Variants in MEGF11 observed in about 807,000 individuals in gnomAD.
MEGF11 encodes the protein multiple EGF like domains 11, also known as multiple epidermal growth factor-like domains protein 11.
A neutral mutation model predicts 146.6 loss-of-function variants in MEGF11; 126 were observed. The ratio of observed to expected loss-of-function variants is 0.86; its 90% CI spans 0.74 to 1.00. The LOEUF (loss-of-function observed/expected upper bound fraction) is 1.00, where lower values mean the gene tolerates loss of function less well. MEGF11 is among the 50% of genes least tolerant of loss of function. The probability of loss-of-function intolerance (pLI) is 0.00; values close to 1 mark genes in which losing one functional copy is unlikely to be tolerated. For synonymous variants in MEGF11, 532 were observed against 583.4 expected (o/e 0.91, Z 1.27); for missense variants, 1,509 against 1,521.2 (o/e 0.99, Z 0.13).
At chr15:66,001,759 T>C (rs2082373682) in intron 5 of MEGF11, among the ~76,000 whole-genome samples, 1 of 151,958 alleles carries the variant, frequency 6.6e-6, no homozygotes, top group Admixed American at 6.5e-5. Flanking sequence ...GGGAGGCCGT[T>C]TGAACTGGAT....
chr15:66,182,521 G>A (rs2090577608), intron 1 of MEGF11, among the ~76,000 whole-genome samples: 1 of 152,142 alleles, frequency 6.6e-6, no homozygotes. Context: ...AAACAGACCT[G>A]CAAACTGGTG....
intron 11 of MEGF11, 29 bp from the exon 12 acceptor site, chr15:65,929,912 C>A (rs1281206714): frequency 1.9e-6 from 3 of 1,579,198 alleles, no homozygotes; most frequent in Admixed American, 3.6e-5. Flanking sequence ...ACTGTCACTT[C>A]TCCATCCAGG....
intron 5 of MEGF11, among the ~76,000 whole-genome samples, chr15:66,056,197 C>T (rs998407156): frequency 6.6e-6 from 1 of 151,840 alleles, no homozygotes; most frequent in Middle Eastern, 3.4e-3. Context: ...TTACCCAATC[C>T]TTCCAATCAC....
intron 13 of MEGF11, among the ~76,000 whole-genome samples, chr15:65,924,193 G>T (rs2079278721): frequency 1.3e-5 from 2 of 151,850 alleles, no homozygotes; most frequent in African/African-American, 4.8e-5. Flanking sequence ...GGGGAGGGAG[G>T]GTGGAACCAC....
At chr15:66,253,551 G>C (rs1021260500) in intron 1 of MEGF11, 54 bp downstream of exon 1, 1 of 151,864 alleles carries the variant, frequency 6.6e-6, no homozygotes, top group Non-Finnish European at 1.5e-5. Flanking sequence ...GCGTCCCCTG[G>C]TGCCCCCGGC....
At position 66,123,996 on chromosome 15, in the gene MEGF11, C is replaced by G. The variant is rs1400651813; in HGVS notation, c.103G>C (p.Ala35Pro). 1 of 1,613,210 alleles carries G rather than the reference C, an allele frequency of 6.2e-7. No homozygotes were observed. The highest frequency in any genetic ancestry group is 8.5e-7 in the Non-Finnish European group (1 of 1,179,278). ...GCATACGATTCCTGGACAGTCACAG[C>G]ATAGCTGAGAACCAGATGGGAGATA... ...PNVCSHWESY[A>P]VTVQESYAHP... Residue 35 changes from alanine (A) to proline (P), a missense_variant, in exon 3 of 26, where the codon GCT (alanine) becomes CCT (proline). Coordinates refer to ENST00000395614, the MANE Select transcript of MEGF11 (RefSeq NM_001385028.1).
At chr15:66,022,847 CAAAA>C (rs10579872) in intron 5 of MEGF11, among the ~76,000 whole-genome samples, 22 of 128,230 alleles carry the variant, frequency 1.7e-4, no homozygotes, top group East Asian at 2.3e-4. Context: ...GACCCTGTCT[CAAAA>C]AAAAAAAAAA....
chr15:66,114,964 G>C (rs28503767), intron 4 of MEGF11, among the ~76,000 whole-genome samples: 3,584 of 152,316 alleles, frequency 0.024, 145 homozygotes, highest in African/African-American at 0.081. Context: ...TCCACACACA[G>C]GGATGGTCCG....
chr15:66,119,142 T>C lies in MEGF11; in HGVS notation c.245A>G (p.Tyr82Cys). 1 of 1,551,598 alleles carries C rather than the reference T, an allele frequency of 6.4e-7. No homozygotes were observed. The highest frequency in any genetic ancestry group is 8.7e-7 in the Non-Finnish European group (1 of 1,147,022). ...AGGGCAGCACTGGGACCTCCGCCGG[T>C]ACATGGTCCGGAGGCCTCTCCGATA... ...TAYRRGLRTM[Y>C]RRRSQCCPGY... Residue 82 changes from tyrosine (Y) to cysteine (C), a missense_variant, in exon 4 of 26, where the codon TAC becomes TGC. Transcript: ENST00000395614.
intron 20 of MEGF11, 27 bp from the exon 21 acceptor site, chr15:65,912,227 C>T (rs2277584): frequency 8.3e-7 from 1 of 1,197,938 alleles, no homozygotes; most frequent in Non-Finnish European, 1.0e-6. Context: ...GTGCCACATA[C>T]CATCATACCC....
intron 8 of MEGF11, among the ~76,000 whole-genome samples, chr15:65,965,600 C>CTTTCTTTCTTTT (rs1555456992): frequency 1.6e-4 from 3 of 18,876 alleles, no homozygotes; most frequent in Non-Finnish European, 2.7e-4. Flanking sequence ...TTCTTTCTTT[C>CTTTCTTTCTTTT]TTTTTTTTTT....
intron 10 of MEGF11, among the ~76,000 whole-genome samples, chr15:65,940,673 G>T (rs773493649): frequency 2.6e-5 from 4 of 152,258 alleles, no homozygotes; most frequent in Non-Finnish European, 5.9e-5. Flanking sequence ...ATGAGAAAGA[G>T]AGAGACTTGG....
chr15:65,914,014 T>C lies in MEGF11; in HGVS notation c.2474-41A>G, dbSNP rs748099334. On this transcript the variant is annotated intron_variant, in intron 19 of 25. Coordinates refer to ENST00000395614, the MANE Select transcript of MEGF11 (RefSeq NM_001385028.1). Reference sequence around the variant, plus strand: ...GGGCCTGAGCCTGGGGCTGGCCTTCTTGCGCTTCAGGTCTCCTGGGCCTGG... The same window carrying C: ...GGGCCTGAGCCTGGGGCTGGCCTTCCTGCGCTTCAGGTCTCCTGGGCCTGG... 3.9e-6 allele frequency: 6 copies of C among 1,542,456 alleles called. No individual in the cohort carries two copies. In the Admixed American group the frequency reaches 1.0e-4, roughly 26 times the overall value.
At chr15:66,080,831 C>T (rs913539084) in intron 5 of MEGF11, among the ~76,000 whole-genome samples, 3 of 152,352 alleles carry the variant, frequency 2.0e-5, no homozygotes, top group South Asian at 2.1e-4. Flanking sequence ...CAGAGCCCAC[C>T]GTCCCGGGGA....
intron 1 of MEGF11, among the ~76,000 whole-genome samples, chr15:66,180,634 TGAA>T (rs1159137737): frequency 1.7e-4 from 26 of 152,164 alleles, no homozygotes; most frequent in Admixed American, 1.7e-3. Flanking sequence ...AAAAGGAGCA[TGAA>T]GGAGAAATGT....
At chr15:65,947,766 C>G (rs983329836) in intron 10 of MEGF11, among the ~76,000 whole-genome samples, 1 of 152,094 alleles carries the variant, frequency 6.6e-6, no homozygotes, top group Non-Finnish European at 1.5e-5. Flanking sequence ...AAAAGAAAAC[C>G]GGGTATACTT....
chr15:66,013,696 G>A (rs541541634), intron 5 of MEGF11, among the ~76,000 whole-genome samples: 1 of 152,292 alleles, frequency 6.6e-6, no homozygotes, highest in South Asian at 2.1e-4. Flanking sequence ...ACACCCAAGG[G>A]CCGTATAATA....
intron 5 of MEGF11, among the ~76,000 whole-genome samples, chr15:66,032,706 T>C (rs1459927154): frequency 6.6e-6 from 1 of 152,018 alleles, no homozygotes. Flanking sequence ...AATTTAAGAG[T>C]GATGAGCCAG....
At chr15:66,127,052 G>GA (rs2088387107) in intron 2 of MEGF11, among the ~76,000 whole-genome samples, 1 of 152,174 alleles carries the variant, frequency 6.6e-6, no homozygotes, top group Non-Finnish European at 1.5e-5. Flanking sequence ...GCACTTTTGT[G>GA]AAACGGCTGC....
Sources: gnomAD v4.1 joint callset for allele counts (sites outside exome capture counted in the v4.1 genomes callset) on GRCh38, gnomAD v4.1.1 for gene constraint, MANE v1.5 for transcripts, NCBI Gene and HGNC (gene_info 2026-07-23, HGNC 2026-07-21) for gene names.